Variants in VEPH1 observed in about 807,000 individuals in gnomAD.
VEPH1 encodes the protein ventricular zone expressed PH domain containing 1, also known as ventricular zone-expressed PH domain-containing protein homolog 1.
Under a neutral mutation model 85.2 loss-of-function variants are expected in VEPH1, and 80 were observed. The ratio of observed to expected loss-of-function variants is 0.94; its 90% CI spans 0.78 to 1.13. The LOEUF (loss-of-function observed/expected upper bound fraction) is 1.13, where lower values mean the gene tolerates loss of function less well. VEPH1 is among the 50% of genes most tolerant of loss of function. The probability of loss-of-function intolerance (pLI) is 0.00; values close to 1 mark genes in which losing one functional copy is unlikely to be tolerated. For missense variants in VEPH1, 955 were observed against 980.5 expected, an observed-to-expected ratio of 0.97 and a Z score of 0.35; for synonymous variants, 297 against 348.0, an observed-to-expected ratio of 0.85 and a Z score of 1.63.
chr3:157,365,889 A>T (rs1187764907), intron 7 of VEPH1, among the ~76,000 whole-genome samples: 2 of 152,168 alleles, frequency 1.3e-5, no homozygotes, highest in African/African-American at 4.8e-5. Context: ...CGGTTTCATT[A>T]TTCAGGCATG....
chr3:157,472,109 T>C (rs1354502010), intron 2 of VEPH1, among the ~76,000 whole-genome samples: 4 of 152,212 alleles, frequency 2.6e-5, no homozygotes, highest in African/African-American at 7.2e-5. Context: ...TCTAAGCACA[T>C]GCAGATATTA....
chr3:157,380,662 T>C (rs1728657762), intron 7 of VEPH1, among the ~76,000 whole-genome samples: 2 of 152,196 alleles, frequency 1.3e-5, no homozygotes, highest in Admixed American at 1.3e-4. Flanking sequence ...ACTCTATCTC[T>C]GTATTTTCCA....
intron 4 of VEPH1, among the ~76,000 whole-genome samples, chr3:157,457,150 G>A (rs1735453069): frequency 6.6e-6 from 1 of 152,038 alleles, no homozygotes; most frequent in Admixed American, 6.6e-5. Flanking sequence ...CTTGTAAATG[G>A]GATTGCATTT....
chr3:157,438,147 T>G (rs183157053), intron 4 of VEPH1, among the ~76,000 whole-genome samples: 18 of 151,634 alleles, frequency 1.2e-4, no homozygotes, highest in African/African-American at 4.4e-4. Context: ...AAAAAAGTAT[T>G]CCTCAGTCCT....
Position 157,413,892 on chromosome 3 carries a change from G to T in VEPH1, c.895C>A (p.His299Asn). 1 of 1,613,212 alleles carries T rather than the reference G, an allele frequency of 6.2e-7. No individual in the cohort carries two copies. The highest frequency in any genetic ancestry group is 1.1e-5 in the South Asian group (1 of 91,016). Reference protein sequence around the residue: ...QMARIYGAVGHVDEERARSCL... With the variant: ...QMARIYGAVGNVDEERARSCL... ...AAAGCCAAACTTACTTCATCCACAT[G>T]CCCAACAGCTCCATAAATCCTTGCC... Residue 299 changes from histidine (H) to asparagine (N), a missense_variant, in exon 6 of 14, where the codon CAT becomes AAT. Coordinates refer to ENST00000362010, the MANE Select transcript of VEPH1 (RefSeq NM_001167912.2).
At chr3:157,314,237 G>A (rs1720467674) in intron 10 of VEPH1, among the ~76,000 whole-genome samples, 1 of 147,458 alleles carries the variant, frequency 6.8e-6, no homozygotes, top group African/African-American at 2.5e-5. Flanking sequence ...GGAGGCTGAG[G>A]CAGGAGAATT....
At position 157,436,887 on chromosome 3, in the gene VEPH1, G is replaced by A. The variant is rs747041064; in HGVS notation, c.530-8399C>T. 8.8e-6 allele frequency: 14 copies of A among 1,599,926 alleles called. No individual in the cohort carries two copies. The East Asian group carries it at 2.9e-4, about 33-fold the overall frequency. On this transcript the variant is annotated intron_variant, in intron 4 of 13. Transcript: ENST00000362010. ...CTCCGCTCAAACTCAGCTCACTTGAGAGTCTCCTCCCGCCAGCTGTGGAAA... is the reference window on the plus strand; with the variant it reads ...CTCCGCTCAAACTCAGCTCACTTGAAAGTCTCCTCCCGCCAGCTGTGGAAA...
intron 11 of VEPH1, among the ~76,000 whole-genome samples, chr3:157,309,690 A>C (rs903649579): frequency 1.3e-5 from 2 of 152,040 alleles, no homozygotes; most frequent in African/African-American, 4.8e-5. Context: ...GCATTATATT[A>C]CATAAGCATT....
At chr3:157,429,363 C>T (rs1214001223) in intron 4 of VEPH1, among the ~76,000 whole-genome samples, 1 of 152,062 alleles carries the variant, frequency 6.6e-6, no homozygotes, top group African/African-American at 2.4e-5. Flanking sequence ...GAAGGAATTA[C>T]ACATATATGG....
intron 4 of VEPH1, chr3:157,443,620 T>A (rs183725112): frequency 9.2e-5 from 14 of 152,500 alleles, no homozygotes; most frequent in Admixed American, 9.2e-4. Flanking sequence ...ATTTAAGAGA[T>A]GTTTTGGAGC....
At chr3:157,413,716 A>G (rs1731690925) in intron 6 of VEPH1, 165 bp downstream of exon 6, 2 of 948,794 alleles carry the variant, frequency 2.1e-6, no homozygotes, top group Non-Finnish European at 2.5e-6. Flanking sequence ...TTTGTATGTC[A>G]TAGAACTCCC....
At chr3:157,331,343 T>TG (rs1291443776) in intron 9 of VEPH1, among the ~76,000 whole-genome samples, 1 of 152,204 alleles carries the variant, frequency 6.6e-6, no homozygotes, top group African/African-American at 2.4e-5. Flanking sequence ...TGGTGATCCT[T>TG]GGGGGAGACT....
At chr3:157,296,252 CATCT>C (rs1190829996) in intron 11 of VEPH1, among the ~76,000 whole-genome samples, 1 of 152,190 alleles carries the variant, frequency 6.6e-6, no homozygotes, top group Non-Finnish European at 1.5e-5. Context: ...GAAATGTAAA[CATCT>C]ATCTGTGGCA....
At chr3:157,299,981 T>C (rs1718601211) in intron 11 of VEPH1, among the ~76,000 whole-genome samples, 1 of 152,186 alleles carries the variant, frequency 6.6e-6, no homozygotes. Flanking sequence ...TTACTGCTAT[T>C]TTCTGCACTT....
intron 5 of VEPH1, chr3:157,415,171 A>G (rs969053054): frequency 6.6e-6 from 1 of 152,122 alleles, no homozygotes; most frequent in South Asian, 2.1e-4. Flanking sequence ...GTTGATTCCA[A>G]TGCCCAAGAA....
At chr3:157,317,522 C>A (rs1429571712) in intron 9 of VEPH1, among the ~76,000 whole-genome samples, 3 of 152,114 alleles carry the variant, frequency 2.0e-5, no homozygotes, top group East Asian at 1.9e-4. Context: ...GAAGTGATAA[C>A]CTGGGAAAAA....
At chr3:157,497,745 A>G (rs558148394) in intron 1 of VEPH1, among the ~76,000 whole-genome samples, 9 of 152,246 alleles carry the variant, frequency 5.9e-5, no homozygotes, top group Non-Finnish European at 1.2e-4. Flanking sequence ...CATTTACATG[A>G]CACCTGGTGT....
chr3:157,474,655 C>T (rs1316831567), intron 2 of VEPH1, among the ~76,000 whole-genome samples: 5 of 152,156 alleles, frequency 3.3e-5, no homozygotes, highest in African/African-American at 1.2e-4. Flanking sequence ...GGTGGAGCTA[C>T]ATGTAGACTT....
At chr3:157,317,595 T>A (rs767790520) in intron 9 of VEPH1, among the ~76,000 whole-genome samples, 8 of 152,192 alleles carry the variant, frequency 5.3e-5, no homozygotes, top group Non-Finnish European at 7.3e-5. Context: ...CCATGAACCA[T>A]GGATGCTGTT....
Sources: allele counts gnomAD v4.1 joint callset (sites outside exome capture counted in the v4.1 genomes callset), GRCh38; gene constraint gnomAD v4.1.1; transcripts MANE v1.5; gene names NCBI Gene and HGNC (gene_info 2026-07-23, HGNC 2026-07-21).